FAR2: variants seen among roughly 807,000 people sequenced by gnomAD.
FAR2 encodes the protein epididymis secretory protein Li 81.
A neutral mutation model predicts 56.0 loss-of-function variants in FAR2; 19 were observed. The observed-to-expected ratio is 0.34, with a 90% CI of 0.24 to 0.50. The LOEUF (loss-of-function observed/expected upper bound fraction) is 0.50, where lower values mean the gene tolerates loss of function less well. FAR2 is among the 20% of genes least tolerant of loss of function. The pLI is 0.98. For missense variants in FAR2, 508 were observed against 642.2 expected, an observed-to-expected ratio of 0.79 and a Z score of 2.26; for synonymous variants, 219 against 218.8, an observed-to-expected ratio of 1.00 and a Z score of -0.01.
chr12:29,165,611 C>G (rs1360392221), intron 1 of FAR2, among the ~76,000 whole-genome samples: 1 of 152,096 alleles, frequency 6.6e-6, no homozygotes, highest in East Asian at 1.9e-4. Context: ...AGACACATTT[C>G]TATTAAAAGT....
chr12:29,306,417 A>C (rs944798562), intron 4 of FAR2, among the ~76,000 whole-genome samples: 7 of 152,212 alleles, frequency 4.6e-5, no homozygotes, highest in Admixed American at 1.3e-4. Context: ...GTGATTCTGA[A>C]TAAGTCTTAA....
chr12:29,240,234 C>T (rs1948005917), intron 1 of FAR2, among the ~76,000 whole-genome samples: 1 of 152,164 alleles, frequency 6.6e-6, no homozygotes, highest in South Asian at 2.1e-4. Context: ...AAAAACATAA[C>T]TCATGCCAGA....
At chr12:29,162,178 G>A (rs1399972129) in intron 1 of FAR2, among the ~76,000 whole-genome samples, 1 of 152,132 alleles carries the variant, frequency 6.6e-6, no homozygotes, top group Admixed American at 6.5e-5. Flanking sequence ...TACTCATGAA[G>A]CAAGATGTTC....
At chr12:29,166,874 A>G (rs1409031167) in intron 1 of FAR2, among the ~76,000 whole-genome samples, 1 of 152,066 alleles carries the variant, frequency 6.6e-6, no homozygotes, top group East Asian at 1.9e-4. Context: ...TTCATTCTTT[A>G]AACTCCCCAC....
At chr12:29,151,207 T>C (rs1949679133) in intron 1 of FAR2, among the ~76,000 whole-genome samples, 1 of 152,206 alleles carries the variant, frequency 6.6e-6, no homozygotes, top group Admixed American at 6.5e-5. Flanking sequence ...AATATAGCCT[T>C]GTGAAGGATC....
chr12:29,154,600 AATTTTTGT>A (rs1949710944), intron 1 of FAR2, among the ~76,000 whole-genome samples: 1 of 151,830 alleles, frequency 6.6e-6, no homozygotes, highest in African/African-American at 2.4e-5. Flanking sequence ...ACGCCTGGCT[AATTTTTGT>A]ATTTTTAGTA....
At chr12:29,244,444 C>CT (rs1948092040) in intron 1 of FAR2, among the ~76,000 whole-genome samples, 1 of 152,158 alleles carries the variant, frequency 6.6e-6, no homozygotes, top group East Asian at 1.9e-4. Context: ...CACACAACCT[C>CT]TTAGGAACTG....
chr12:29,322,167 T>C (rs529210309), intron 10 of FAR2, among the ~76,000 whole-genome samples: 7 of 152,354 alleles, frequency 4.6e-5, no homozygotes, highest in East Asian at 3.9e-4. Flanking sequence ...TCTGCCAACA[T>C]GTTTTATCTA....
At chr12:29,253,479 A>G (rs919979944) in intron 1 of FAR2, among the ~76,000 whole-genome samples, 223 of 151,962 alleles carry the variant, frequency 1.5e-3, no homozygotes, top group African/African-American at 5.0e-3. Context: ...ATATCTATGT[A>G]TATGTATTGG....
At position 29,293,281 on chromosome 12, in the gene FAR2, A is replaced by T. The variant is rs1178744866; in HGVS notation, c.190-19A>T. On this transcript the variant is annotated intron_variant, in intron 2 of 11. Transcript: ENST00000536681. ...TGATGGTGCTATTTTTTGTATATTGATCTATATTTATGTTTCAGCTATTTG... is the reference window on the plus strand; with the variant it reads ...TGATGGTGCTATTTTTTGTATATTGTTCTATATTTATGTTTCAGCTATTTG... The T allele has an allele frequency of 6.6e-7, 1 of 1,526,220 alleles. No homozygotes were observed. Among genetic ancestry groups the T allele is most frequent in the Non-Finnish European group, 8.8e-7 (1 of 1,135,554 alleles). The allele number at this position is 1,526,220 out of a possible 1,614,324, so 94.5% of individuals were successfully genotyped here.
chr12:29,305,948 A>T (rs1949248235), intron 4 of FAR2, among the ~76,000 whole-genome samples: 1 of 151,592 alleles, frequency 6.6e-6, no homozygotes, highest in Non-Finnish European at 1.5e-5. Flanking sequence ...TGTGACATAC[A>T]ATCCCTGCAC....
intron 2 of FAR2, among the ~76,000 whole-genome samples, chr12:29,287,097 C>G (rs1357225375): frequency 6.6e-6 from 1 of 152,134 alleles, no homozygotes; most frequent in Non-Finnish European, 1.5e-5. Context: ...ACCAATGGTT[C>G]TCAACTTCAG....
intron 2 of FAR2, chr12:29,277,812 T>C (rs911595302): frequency 6.6e-6 from 1 of 152,322 alleles, no homozygotes; most frequent in Admixed American, 6.5e-5. Flanking sequence ...AGTATAATCA[T>C]GCCTTTGCTG....
chr12:29,243,508 C>A (rs1402818945), intron 1 of FAR2, among the ~76,000 whole-genome samples: 1 of 152,106 alleles, frequency 6.6e-6, no homozygotes, highest in East Asian at 1.9e-4. Context: ...GTAGCAGGTG[C>A]TCAGTAAATA....
chr12:29,236,236 A>G (rs1947938846), intron 1 of FAR2, among the ~76,000 whole-genome samples: 2 of 152,204 alleles, frequency 1.3e-5, no homozygotes, highest in African/African-American at 4.8e-5. Flanking sequence ...AAATCTGCCA[A>G]TTAAGAGACA....
rs187084750 is a variant in FAR2 at position 29,176,257 on chromosome 12, T to C, written c.-39+26850T>C. Among the ~76,000 whole-genome samples, 67 of 152,394 alleles carry C rather than the reference T, an allele frequency of 4.4e-4. No homozygotes were observed. In the Middle Eastern group the frequency reaches 0.01, roughly 23 times the overall value. On this transcript the variant is annotated intron_variant, in intron 1 of 11. Coordinates refer to ENST00000536681, the MANE Select transcript of FAR2 (RefSeq NM_001271783.2). Reference sequence around the variant, plus strand: ...TGGATATAAGATATTTATTTTTCAGTAATTGAAATAATTGTTCATTTGCTT... The same window carrying C: ...TGGATATAAGATATTTATTTTTCAGCAATTGAAATAATTGTTCATTTGCTT...
intron 4 of FAR2, among the ~76,000 whole-genome samples, chr12:29,298,765 T>C (rs183858425): frequency 6.6e-6 from 1 of 152,168 alleles, no homozygotes; most frequent in Non-Finnish European, 1.5e-5. Flanking sequence ...TCTTGGTAAA[T>C]GTGATGTTTT....
chr12:29,185,929 A>G (rs1950036144), intron 1 of FAR2, among the ~76,000 whole-genome samples: 1 of 152,194 alleles, frequency 6.6e-6, no homozygotes, highest in Non-Finnish European at 1.5e-5. Context: ...ATGTTCACAT[A>G]TGATACGAGA....
intron 10 of FAR2, among the ~76,000 whole-genome samples, chr12:29,331,043 CCATT>C (rs1222226374): frequency 1.3e-5 from 2 of 152,058 alleles, no homozygotes; most frequent in East Asian, 1.9e-4. Flanking sequence ...CTACTTTGTG[CCATT>C]CAAAGGAACA....
Sources: gnomAD v4.1 joint callset for allele counts (sites outside exome capture counted in the v4.1 genomes callset) on GRCh38, gnomAD v4.1.1 for gene constraint, MANE v1.5 for transcripts, NCBI Gene and HGNC (gene_info 2026-07-23, HGNC 2026-07-21) for gene names.